Variants in ZSCAN18 observed in about 807,000 individuals in gnomAD.
ZSCAN18 encodes the protein zinc finger and SCAN domain containing 18, also known as zinc finger and SCAN domain-containing protein 18.
A neutral mutation model predicts 31.1 loss-of-function variants in ZSCAN18; 16 were observed. The observed-to-expected ratio is 0.51, with a 90% CI of 0.35 to 0.78. The LOEUF (loss-of-function observed/expected upper bound fraction) is 0.78, where lower values mean the gene tolerates loss of function less well. ZSCAN18 is among the 30% of genes least tolerant of loss of function. The probability of loss-of-function intolerance (pLI) is 0.01; values close to 1 mark genes in which losing one functional copy is unlikely to be tolerated. For synonymous variants in ZSCAN18, 375 were observed against 320.7 expected (o/e 1.17, Z -1.81); for missense variants, 731 against 697.4 (o/e 1.05, Z -0.54).
intron 1 of ZSCAN18, among the ~76,000 whole-genome samples, chr19:58,111,583 A>T (rs2547350): frequency 2.0e-5 from 3 of 151,692 alleles, no homozygotes; most frequent in Non-Finnish European, 4.4e-5. Context: ...CAGGCTGGTC[A>T]TCAACCCCTG....
intron 1 of ZSCAN18, among the ~76,000 whole-genome samples, chr19:58,096,939 C>A (rs1296658278): frequency 6.6e-6 from 1 of 152,196 alleles, no homozygotes; most frequent in African/African-American, 2.4e-5. Context: ...AGATGTCCTG[C>A]GCAACTGGCC....
At chr19:58,099,964 G>GTTTTTTTTTTTTTTTTTTTTTTT, upstream of ZSCAN18, among the ~76,000 whole-genome samples, 1 of 136,114 alleles carries the variant, frequency 7.3e-6, no homozygotes, top group Non-Finnish European at 1.6e-5. Flanking sequence ...TGAAAGCTAT[G>GTTTTTTTTTTTTTTTTTTTTTTT]TTTTTTTTTT....
rs2074293650 is a variant in ZSCAN18 at position 58,086,985 on chromosome 19, G to A, written c.666C>T (p.Asp222=). ...TEQKLKSFPE[D]PQHLGEWGHL... is the part of the protein sequence containing the mutation. ...GGCCCCACTCCCCCAGGTGCTGAGG[G>A]TCCTCTGGAAAGGACTTCAGCTTCT... The change falls in exon 5 of 7, where the codon GAC becomes GAT. Residue 222 remains aspartate (D), a synonymous_variant. Transcript: ENST00000601144. 3 of 1,613,596 alleles carry A rather than the reference G, an allele frequency of 1.9e-6. No homozygotes were observed. Among genetic ancestry groups the A allele is most frequent in the African/African-American group, 2.7e-5 (2 of 74,886 alleles).
chr19:58,102,318 G>T (rs1326563878), upstream of ZSCAN18, among the ~76,000 whole-genome samples: 1 of 151,978 alleles, frequency 6.6e-6, no homozygotes, highest in African/African-American at 2.4e-5. Flanking sequence ...AAAATTAGCC[G>T]GGCATGGTGG....
chr19:58,108,111 A>T, intron 1 of ZSCAN18: 1 of 989,160 alleles, frequency 1.0e-6, no homozygotes, highest in Non-Finnish European at 1.2e-6. Context: ...TTCCAGAATG[A>T]TTTTTTTGAT....
At position 58,088,672 on chromosome 19, in the gene ZSCAN18, C is replaced by A; in HGVS notation, c.553+16G>T. ...CTAAGGCCCAGCAGAGGCTGCCAGG[C>A]TAGCTGGGCACTCACGTGTCTCAGA... On this transcript the variant is annotated intron_variant, in intron 3 of 6. Coordinates refer to ENST00000601144, the MANE Select transcript of ZSCAN18 (RefSeq NM_001145543.2). The A allele has an allele frequency of 6.2e-7, 1 of 1,604,336 alleles. No homozygotes were observed. The highest frequency in any genetic ancestry group is 8.5e-7 in the Non-Finnish European group (1 of 1,178,722).
At chr19:58,109,817 T>A (rs1056802150) in intron 1 of ZSCAN18, among the ~76,000 whole-genome samples, 3 of 152,204 alleles carry the variant, frequency 2.0e-5, no homozygotes, top group Non-Finnish European at 2.9e-5. Flanking sequence ...GCCAGATTTT[T>A]AAAAAATTAA....
In ZSCAN18 at chr19:58,086,065, T is replaced by C. The variant is rs2074273715; in HGVS notation, c.838+109A>G. 21 of 836,746 alleles carry C rather than the reference T, an allele frequency of 2.5e-5. No homozygotes were observed. In the South Asian group the frequency reaches 2.8e-4, roughly 11 times the overall value. 51.8% of individuals were successfully genotyped at this position (836,746 alleles called of 1,614,324 possible). ...CGGTGGTGGGAGAATGGTGAAGCAG[T>C]CAATGCTGAGGTCTTTGCTGGGGCT... On this transcript the variant is annotated intron_variant, in intron 6 of 6. Coordinates refer to ENST00000601144, the MANE Select transcript of ZSCAN18 (RefSeq NM_001145543.2).
At chr19:58,114,337 T>C (rs1185664706) in intron 1 of ZSCAN18, among the ~76,000 whole-genome samples, 1 of 152,220 alleles carries the variant, frequency 6.6e-6, no homozygotes, top group South Asian at 2.1e-4. Context: ...GGATGGGTTA[T>C]CACATGATAA....
At chr19:58,094,936 G>C (rs2074492543) in intron 1 of ZSCAN18, among the ~76,000 whole-genome samples, 1 of 150,882 alleles carries the variant, frequency 6.6e-6, no homozygotes, top group African/African-American at 2.4e-5. Context: ...ACACACCTGT[G>C]GTCCCAGCTA....
At chr19:58,117,946 C>G (rs2074745261) in intron 1 of ZSCAN18, among the ~76,000 whole-genome samples, 1 of 152,138 alleles carries the variant, frequency 6.6e-6, no homozygotes, top group African/African-American at 2.4e-5. Context: ...GGGCCCACGC[C>G]CAACGAAGAG....
At chr19:58,118,079 G>T (rs372040772) in intron 1 of ZSCAN18, among the ~76,000 whole-genome samples, 2 of 151,928 alleles carry the variant, frequency 1.3e-5, no homozygotes, top group East Asian at 1.9e-4. Context: ...CACGCCAAGG[G>T]GAGAAGACAC....
chr19:58,084,978 C>G lies in ZSCAN18; in HGVS notation c.1240G>C (p.Ala414Pro), dbSNP rs762807688. Residue 414 changes from alanine (A) to proline (P), a missense_variant, in exon 7 of 7, where the codon GCC becomes CCC. Transcript: ENST00000601144. The surrounding 1 kb of genome is among the most constrained non-coding windows in gnomAD (Gnocchi z 4.5). ...EPGLSRGKPY[A>P]CGECGEAFAW... ...AAGGCCTCCCCGCACTCGCCGCAGG[C>G]ATAGGGCTTCCCGCGGGACAAGCCC... 1 of 1,599,068 alleles carries G rather than the reference C, an allele frequency of 6.3e-7. No individual in the cohort carries two copies. Among genetic ancestry groups the G allele is most frequent in the Admixed American group, 1.7e-5 (1 of 57,944 alleles).
chr19:58,096,551 G>C (rs2074523595), intron 1 of ZSCAN18, among the ~76,000 whole-genome samples: 1 of 152,202 alleles, frequency 6.6e-6, no homozygotes, highest in Admixed American at 6.5e-5. Context: ...CCAGAGTCCT[G>C]CAGCAAATCC....
chr19:58,102,461 A>AAAAC (rs75475027), upstream of ZSCAN18, among the ~76,000 whole-genome samples: 25,835 of 146,962 alleles, frequency 0.18, 2,374 homozygotes, highest in African/African-American at 0.25. Flanking sequence ...ACTCCATCTC[A>AAAAC]AAACAAACAA....
intron 5 of ZSCAN18, 116 bp from the exon 6 acceptor site, chr19:58,086,382 G>A: frequency 2.3e-6 from 2 of 880,502 alleles, no homozygotes; most frequent in Non-Finnish European, 3.5e-6. Context: ...TCTCTGTACT[G>A]GGACCCCCAC....
intron 1 of ZSCAN18, chr19:58,109,202 C>T (rs2074659544): frequency 1.6e-6 from 2 of 1,231,624 alleles, no homozygotes; most frequent in Non-Finnish European, 1.0e-6. Flanking sequence ...GCAGATAAAA[C>T]AGGAATCATC....
chr19:58,091,652 C>T (rs188171247), intron 1 of ZSCAN18, among the ~76,000 whole-genome samples: 1 of 152,232 alleles, frequency 6.6e-6, no homozygotes, highest in Admixed American at 6.5e-5. Context: ...TTAAGTGAAG[C>T]CAGTATTCAG....
chr19:58,118,388 T>C (rs569567395), exon 1 of ZSCAN18: 2 of 1,527,202 alleles, frequency 1.3e-6, no homozygotes, highest in South Asian at 2.4e-5. Context: ...GCCCTCCGAC[T>C]CTCCGCATGG....
Sources: gnomAD v4.1 joint callset for allele counts (sites outside exome capture counted in the v4.1 genomes callset) on GRCh38, gnomAD v4.1.1 for gene constraint, Gnocchi (gnomAD v3.1) non-coding constraint, MANE v1.5 for transcripts, NCBI Gene and HGNC (gene_info 2026-07-23, HGNC 2026-07-21) for gene names.